Variants in ZC3H11A observed in about 807,000 individuals in gnomAD.
ZC3H11A encodes the protein zinc finger CCCH domain-containing protein 11A.
ZC3H11A carries 22 observed loss-of-function variants against 90.8 expected under a neutral mutation model. The ratio of observed to expected loss-of-function variants is 0.24; its 90% CI spans 0.17 to 0.35. The LOEUF (loss-of-function observed/expected upper bound fraction) is 0.35. Ranked by LOEUF, ZC3H11A falls within the 10% of genes least tolerant of loss-of-function variation. ZC3H11A has a pLI of 1.00. For missense variants in ZC3H11A, 701 were observed against 964.9 expected, an observed-to-expected ratio of 0.73 and a Z score of 3.62; for synonymous variants, 294 against 339.8, an observed-to-expected ratio of 0.87 and a Z score of 1.48.
rs1290025519 is a variant in ZC3H11A at position 203,830,195 on chromosome 1, AG to A, written c.693del (p.Lys231AsnfsTer31). On this transcript the variant is annotated frameshift_variant, in exon 8 of 18. Transcript: ENST00000367210. LOFTEE classifies it high-confidence loss of function. ...AAGAAAATGAAGGAAAAATCTAAGA[AG>A]CAAGGTGGTAAGTCATCACGTTTTG... ...KSKKMKEKSK[K>X]QGEGSSGVSS... 6.2e-7 allele frequency: 1 copy of A among 1,600,880 alleles called. No individual in the cohort carries two copies. The highest frequency in any genetic ancestry group is 8.5e-7 in the Non-Finnish European group (1 of 1,176,266).
chr1:203,850,590 C>T lies in ZC3H11A; in HGVS notation c.2015C>T (p.Ala672Val). ...CCCAAATTGGCCCCAAAACGTAAGG[C>T]AGTGGAGATGCACGCTGCTGTCATT... is the stretch of plus-strand genomic sequence containing the variant. ...SSPKLAPKRK[A>V]VEMHAAVIAA... is the part of the protein sequence containing the mutation. The change falls in exon 16 of 18, where the codon GCA (alanine) becomes GTA (valine). Residue 672 changes from alanine to valine, a missense_variant. This residue lies in a region of ZC3H11A where 530 missense variants were observed against 696.2 expected (regional missense o/e 0.76). Coordinates refer to ENST00000367210, the MANE Select transcript of ZC3H11A (RefSeq NM_001376342.1). 1 of 1,614,098 alleles carries T rather than the reference C, an allele frequency of 6.2e-7. No individual in the cohort carries two copies. The highest frequency in any genetic ancestry group is 8.5e-7 in the Non-Finnish European group (1 of 1,179,972).
At chr1:203,809,770 A>T (rs1418449700) in intron 2 of ZC3H11A, among the ~76,000 whole-genome samples, 1 of 152,088 alleles carries the variant, frequency 6.6e-6, no homozygotes, top group Non-Finnish European at 1.5e-5. Flanking sequence ...TCTGGCCAAC[A>T]TGGTGAAACC....
intron 12 of ZC3H11A, 63 bp from the exon 13 acceptor site, chr1:203,847,121 G>A: frequency 1.3e-6 from 2 of 1,564,414 alleles, no homozygotes; most frequent in Non-Finnish European, 1.7e-6. Flanking sequence ...AGAATAGAGA[G>A]ATCATAAGTC....
At chr1:203,837,937 A>G (rs370884887) in intron 10 of ZC3H11A, 29 bp from the exon 11 acceptor site, 20 of 1,594,410 alleles carry the variant, frequency 1.3e-5, no homozygotes, top group Non-Finnish European at 1.7e-5. Context: ...TTGACTTGAA[A>G]TCTTAAACTA....
intron 16 of ZC3H11A, 103 bp downstream of exon 16, chr1:203,850,784 C>T: frequency 1.4e-6 from 2 of 1,439,966 alleles, no homozygotes; most frequent in Non-Finnish European, 1.9e-6. Flanking sequence ...CACTTCCTGG[C>T]ATTTCCTAGC....
intron 1 of ZC3H11A, chr1:203,798,727 G>A: frequency 6.5e-7 from 1 of 1,536,154 alleles, no homozygotes; most frequent in Non-Finnish European, 8.7e-7. Flanking sequence ...ACAACATGTT[G>A]TGGAAATCCA....
intron 4 of ZC3H11A, among the ~76,000 whole-genome samples, chr1:203,819,226 A>C (rs912066534): frequency 5.3e-4 from 65 of 123,806 alleles, no homozygotes; most frequent in Admixed American, 1.8e-3. Flanking sequence ...CTTTCTTTTT[A>C]TTTTTTTTTT....
chr1:203,834,810 T>C (rs1202464516), intron 10 of ZC3H11A, among the ~76,000 whole-genome samples: 1 of 152,158 alleles, frequency 6.6e-6, no homozygotes, highest in South Asian at 2.1e-4. Context: ...CCCTGGCTAA[T>C]TTTTGTATTT....
At position 203,853,020 on chromosome 1, in the gene ZC3H11A, G is replaced by T. The variant is rs1168115728; in HGVS notation, c.*621G>T. The T allele has an allele frequency of 1.3e-5, 2 of 152,592 alleles. No homozygotes were observed. The highest frequency in any genetic ancestry group is 3.8e-4 in the East Asian group (2 of 5,206). 9.5% of individuals were successfully genotyped at this position (152,592 alleles called of 1,614,324 possible). On this transcript the variant is annotated 3_prime_UTR_variant, in exon 18 of 18. Transcript: ENST00000367210. ...CTGCTGCTCTGTTAGCCTCTGAAGA[G>T]CAATATCTAATTTATTATTACTGTA...
At chr1:203,845,531 A>C (rs1687647861) in intron 12 of ZC3H11A, among the ~76,000 whole-genome samples, 1 of 152,174 alleles carries the variant, frequency 6.6e-6, no homozygotes, top group South Asian at 2.1e-4. Flanking sequence ...TGATCAGAAA[A>C]ACTAAATTGG....
At chr1:203,813,468 G>A (rs1225027728) in intron 2 of ZC3H11A, among the ~76,000 whole-genome samples, 1 of 152,072 alleles carries the variant, frequency 6.6e-6, no homozygotes, top group Non-Finnish European at 1.5e-5. Flanking sequence ...TAAAGTCTGT[G>A]TCTAAAATTA....
chr1:203,822,904 T>G (rs1284830488), intron 4 of ZC3H11A, among the ~76,000 whole-genome samples: 1 of 152,182 alleles, frequency 6.6e-6, no homozygotes, highest in Non-Finnish European at 1.5e-5. Flanking sequence ...TTGGACTGAA[T>G]TGTTAGAGTG....
chr1:203,846,810 C>T (rs11806484), intron 12 of ZC3H11A, among the ~76,000 whole-genome samples: 27,292 of 152,022 alleles, frequency 0.18, 2,584 homozygotes, highest in Middle Eastern at 0.26. Flanking sequence ...TCCTTGAGGA[C>T]CACTGCCTGG....
chr1:203,797,486 A>G, intron 1 of ZC3H11A: 1 of 1,456,920 alleles, frequency 6.9e-7, no homozygotes, highest in Non-Finnish European at 9.0e-7. Flanking sequence ...TAAACCCACT[A>G]ACAGATTCTG....
Position 203,847,604 on chromosome 1 carries a change from G to T in ZC3H11A, c.1463G>T (p.Ser488Ile). The change falls in exon 13 of 18, where the codon AGC becomes ATC. Residue 488 changes from serine (S) to isoleucine (I), a missense_variant. By Grantham distance (142) the Ser-to-Ile change is moderately radical. Around this residue, in one of 4 missense-constraint regions of ZC3H11A, gnomAD observed 530 missense variants for 696.2 expected, o/e 0.76. Transcript: ENST00000367210. ...GAGAAGGCACTGAGGGTGCAGCAGA[G>T]CTCTGAGAGCAGCACCAGCTCCCCG... ...KLEKALRVQQ[S>I]SESSTSSPSQ... 1 of 1,613,550 alleles carries T rather than the reference G, an allele frequency of 6.2e-7. No homozygotes were observed.
At chr1:203,815,558 T>G (rs1407797035) in intron 2 of ZC3H11A, among the ~76,000 whole-genome samples, 2 of 152,076 alleles carry the variant, frequency 1.3e-5, no homozygotes, top group Middle Eastern at 3.2e-3. Flanking sequence ...ACATTTATTG[T>G]GCATTGTTAC....
intron 5 of ZC3H11A, 39 bp from the exon 6 acceptor site, chr1:203,829,412 T>A: frequency 6.2e-7 from 1 of 1,610,562 alleles, no homozygotes; most frequent in Non-Finnish European, 8.5e-7. Flanking sequence ...TGGGGTTGTA[T>A]CTTCTGTTTT....
intron 2 of ZC3H11A, among the ~76,000 whole-genome samples, chr1:203,804,768 G>A (rs1571929444): frequency 6.6e-6 from 1 of 151,042 alleles, no homozygotes; most frequent in Admixed American, 6.6e-5. Context: ...TGCCTTCCAG[G>A]TTCAAGTGAT....
chr1:203,803,333 A>C (rs923810699), intron 2 of ZC3H11A, among the ~76,000 whole-genome samples: 1 of 152,074 alleles, frequency 6.6e-6, no homozygotes, highest in African/African-American at 2.4e-5. Flanking sequence ...CTGGGATTAC[A>C]GATGTGCACC....
Sources: allele counts gnomAD v4.1 joint callset (sites outside exome capture counted in the v4.1 genomes callset), GRCh38; gene constraint gnomAD v4.1.1; regional missense constraint gnomAD v4.1.1; transcripts MANE v1.5; gene names NCBI Gene and HGNC (gene_info 2026-07-23, HGNC 2026-07-21).